Variants in PCDH15 observed in about 807,000 individuals in gnomAD.
PCDH15 encodes protocadherin-15.
A neutral mutation model predicts 178.5 loss-of-function variants in PCDH15; 129 were observed. The ratio of observed to expected loss-of-function variants is 0.72; its 90% CI spans 0.63 to 0.84. The LOEUF is 0.84. Ranked by LOEUF, PCDH15 falls within the 40% of genes least tolerant of loss-of-function variation. The probability of loss-of-function intolerance (pLI) is 0.00; values close to 1 mark genes in which losing one functional copy is unlikely to be tolerated. For synonymous variants in PCDH15, 800 were observed against 732.0 expected, an observed-to-expected ratio of 1.09 and a Z score of -1.50; for missense variants, 2,230 against 2,099.9, an observed-to-expected ratio of 1.06 and a Z score of -1.21.
At chr10:55,587,872 A>G (rs1352575886) in intron 2 of PCDH15, among the ~76,000 whole-genome samples, 1 of 152,176 alleles carries the variant, frequency 6.6e-6, no homozygotes, top group African/African-American at 2.4e-5. Context: ...TGCTCAGTAC[A>G]GGTTTGTTGA....
intron 1 of PCDH15, among the ~76,000 whole-genome samples, chr10:54,706,684 C>T (rs185551484): frequency 4.0e-4 from 61 of 152,182 alleles, no homozygotes; most frequent in African/African-American, 1.3e-3. Flanking sequence ...AGTGCAGTGG[C>T]GCGATCTCGG....
At chr10:53,912,745 G>A (rs919559975) in intron 25 of PCDH15, among the ~76,000 whole-genome samples, 2 of 152,094 alleles carry the variant, frequency 1.3e-5, no homozygotes, top group Admixed American at 1.3e-4. Flanking sequence ...GGATGCGAAG[G>A]ACCTCTTCAA....
chr10:55,426,632 A>T (rs755402713), intron 2 of PCDH15, among the ~76,000 whole-genome samples: 1 of 152,136 alleles, frequency 6.6e-6, no homozygotes, highest in Non-Finnish European at 1.5e-5. Flanking sequence ...GCTGCCTTCC[A>T]ACAGCGAGGG....
chr10:55,473,849 G>A (rs1840012628), intron 2 of PCDH15, among the ~76,000 whole-genome samples: 1 of 152,046 alleles, frequency 6.6e-6, no homozygotes, highest in Non-Finnish European at 1.5e-5. Flanking sequence ...AGAAGTCACT[G>A]CATACTAGAC....
At chr10:54,121,650 C>A (rs962002128) in intron 15 of PCDH15, among the ~76,000 whole-genome samples, 1 of 152,032 alleles carries the variant, frequency 6.6e-6, no homozygotes, top group African/African-American at 2.4e-5. Flanking sequence ...AAATACAAAA[C>A]TCCCTCATAG....
At chr10:55,532,017 CT>C (rs1841465221) in intron 2 of PCDH15, among the ~76,000 whole-genome samples, 1 of 151,846 alleles carries the variant, frequency 6.6e-6, no homozygotes, top group Non-Finnish European at 1.5e-5. Context: ...AAGATCTGAT[CT>C]TTGTAAGTAA....
chr10:55,234,337 T>TA (rs538999428), intron 1 of PCDH15, among the ~76,000 whole-genome samples: 1 of 151,838 alleles, frequency 6.6e-6, no homozygotes, highest in African/African-American at 2.4e-5. Context: ...ATATTTAAAT[T>TA]AAAAAAAATT....
Position 54,409,188 on chromosome 10 carries a change from C to T in PCDH15, c.158-30246G>A, listed in dbSNP as rs141454810. ...CTCCCCAGCCAGGTGGACCTGTGAGCCCATTAAACTTCTTTCTTTTGTAAA... is the reference window on the plus strand; with the variant it reads ...CTCCCCAGCCAGGTGGACCTGTGAGTCCATTAAACTTCTTTCTTTTGTAAA... On this transcript the variant is annotated intron_variant, in intron 3 of 37. Coordinates refer to ENST00000644397, the MANE Select transcript of PCDH15 (RefSeq NM_001384140.1). Among the ~76,000 whole-genome samples, 326 of 152,212 alleles carry T rather than the reference C, an allele frequency of 2.1e-3. 1 individual carries two copies. Among genetic ancestry groups the T allele is most frequent in the Middle Eastern group, 0.017 (5 of 294 alleles).
At chr10:55,480,445 A>G (rs1840155624) in intron 2 of PCDH15, among the ~76,000 whole-genome samples, 1 of 151,744 alleles carries the variant, frequency 6.6e-6, no homozygotes, top group African/African-American at 2.4e-5. Context: ...TTCCCCATTT[A>G]GTAAGATGTT....
intron 3 of PCDH15, among the ~76,000 whole-genome samples, chr10:54,490,793 T>C (rs2079524255): frequency 6.6e-6 from 1 of 152,158 alleles, no homozygotes; most frequent in Non-Finnish European, 1.5e-5. Context: ...CAATTTACTA[T>C]TTTTTACCTG....
rs575547228 is a variant in PCDH15 at position 54,561,980 on chromosome 10, C to CTTT, written c.92-34106_92-34104dup. ...TACAGGCATGAGCCACCGCACCCAG[C>CTTT]TTTTTTTTTTTTTTTTTTTTTTTTT... is the stretch of plus-strand genomic sequence containing the variant. On this transcript the variant is annotated intron_variant, in intron 2 of 37. Coordinates refer to ENST00000644397, the MANE Select transcript of PCDH15 (RefSeq NM_001384140.1). Among the ~76,000 whole-genome samples, 83 of 75,224 alleles carry CTTT rather than the reference C, an allele frequency of 1.1e-3. 3 individuals are homozygous for CTTT. The highest frequency in any genetic ancestry group is 4.2e-3 in the African/African-American group (62 of 14,732). The allele number at this position is 75,224 out of a possible 152,430, so 49.3% of individuals were successfully genotyped here.
chr10:54,403,214 A>G (rs1328987590), intron 3 of PCDH15, among the ~76,000 whole-genome samples: 2 of 152,018 alleles, frequency 1.3e-5, no homozygotes, highest in East Asian at 3.9e-4. Flanking sequence ...AGCTCTCTAC[A>G]TAGCTATGAA....
At chr10:54,289,458 T>C (rs185633593) in intron 8 of PCDH15, among the ~76,000 whole-genome samples, 10 of 152,254 alleles carry the variant, frequency 6.6e-5, no homozygotes, top group Admixed American at 6.5e-4. Context: ...GCAGAAAAGC[T>C]GAAAATTCTA....
chr10:55,432,646 C>T (rs989529453), intron 2 of PCDH15, among the ~76,000 whole-genome samples: 2 of 151,998 alleles, frequency 1.3e-5, no homozygotes, highest in African/African-American at 4.8e-5. Context: ...ATAAAACATA[C>T]CATTTTGCTT....
intron 2 of PCDH15, among the ~76,000 whole-genome samples, chr10:55,525,322 C>T (rs1841279559): frequency 6.6e-6 from 1 of 151,816 alleles, no homozygotes; most frequent in African/African-American, 2.4e-5. Flanking sequence ...AAAACTGCTA[C>T]AACCATCCAA....
intron 2 of PCDH15, among the ~76,000 whole-genome samples, chr10:54,993,026 A>C (rs1839541891): frequency 6.6e-6 from 1 of 152,142 alleles, no homozygotes; most frequent in Non-Finnish European, 1.5e-5. Flanking sequence ...ATCTTGGTGT[A>C]GTATTGATAG....
chr10:55,426,473 C>CTA (rs995894780), intron 2 of PCDH15, among the ~76,000 whole-genome samples: 1 of 152,150 alleles, frequency 6.6e-6, no homozygotes, highest in African/African-American at 2.4e-5. Context: ...CAGGAGTTAA[C>CTA]TATGTGCCAG....
intron 2 of PCDH15, among the ~76,000 whole-genome samples, chr10:55,514,087 G>A (rs1840952360): frequency 6.6e-6 from 1 of 151,890 alleles, no homozygotes; most frequent in Admixed American, 6.6e-5. Context: ...TCTCTCATGA[G>A]TATATAGTCA....
At chr10:53,996,943 C>T (rs962796701) in intron 20 of PCDH15, among the ~76,000 whole-genome samples, 1 of 152,060 alleles carries the variant, frequency 6.6e-6, no homozygotes, top group Admixed American at 6.6e-5. Flanking sequence ...TTAGACACAA[C>T]AATTTTCCTG....
Sources: gnomAD v4.1 joint callset for allele counts (sites outside exome capture counted in the v4.1 genomes callset) on GRCh38, gnomAD v4.1.1 for gene constraint, MANE v1.5 for transcripts, NCBI Gene and HGNC (gene_info 2026-07-23, HGNC 2026-07-21) for gene names.